Variants in GFM1 observed in about 807,000 individuals in gnomAD.
GFM1 encodes the protein elongation factor G, mitochondrial.
Under a neutral mutation model 96.2 loss-of-function variants are expected in GFM1, and 62 were observed. That is an observed-to-expected ratio of 0.64 (90% confidence interval 0.53 to 0.80). The LOEUF is 0.80. Ranked by LOEUF, GFM1 falls within the 30% of genes least tolerant of loss-of-function variation. GFM1 has a pLI of 0.00. For synonymous variants in GFM1, 282 were observed against 312.9 expected, an observed-to-expected ratio of 0.90 and a Z score of 1.04; for missense variants, 852 against 916.6, an observed-to-expected ratio of 0.93 and a Z score of 0.91.
rs576925510 is a variant in GFM1, at chr3:158,691,362, T to C, written c.2151T>C (p.Tyr717=). ...GAAAGGGAGAATACACAATGGAGTA[T>C]AGCAGGTATCAGCCATGTTTACCAT... is the stretch of plus-strand genomic sequence containing the variant. The part of the protein sequence containing the change: ...TEGKGEYTME[Y]SRYQPCLPST... The change falls in exon 18 of 18, where the codon TAT becomes TAC. Residue 717 remains tyrosine, a synonymous_variant. Coordinates refer to ENST00000486715, the MANE Select transcript of GFM1 (RefSeq NM_024996.7). The C allele has an allele frequency of 8.1e-6, 13 of 1,613,850 alleles. No homozygotes were observed. In the South Asian group the frequency reaches 1.1e-4, roughly 14 times the overall value.
chr3:158,674,169 C>T (rs1724664886), intron 13 of GFM1, among the ~76,000 whole-genome samples: 1 of 151,402 alleles, frequency 6.6e-6, no homozygotes, highest in Admixed American at 6.6e-5. Context: ...CAACCTCCAC[C>T]TCCCAGGTTC....
chr3:158,683,906 T>G (rs1467931424), intron 14 of GFM1, among the ~76,000 whole-genome samples: 1 of 152,192 alleles, frequency 6.6e-6, no homozygotes, highest in Non-Finnish European at 1.5e-5. Context: ...AAAACTTAAA[T>G]AGTAAAGTTG....
At chr3:158,675,588 G>A (rs1724819865) in intron 13 of GFM1, among the ~76,000 whole-genome samples, 1 of 151,868 alleles carries the variant, frequency 6.6e-6, no homozygotes, top group Admixed American at 6.6e-5. Context: ...GGCCAAACAA[G>A]TTACTGATTC....
chr3:158,649,258 A>G, intron 5 of GFM1, 101 bp downstream of exon 5: 1 of 662,992 alleles, frequency 1.5e-6, no homozygotes, highest in Admixed American at 2.2e-5. Context: ...TCTTTTTGAA[A>G]TGCGACTGCA....
intron 13 of GFM1, among the ~76,000 whole-genome samples, chr3:158,679,457 A>G (rs1448604118): frequency 2.0e-5 from 3 of 151,822 alleles, no homozygotes; most frequent in African/African-American, 7.2e-5. Flanking sequence ...GTTTTAATTT[A>G]TTTATAAATA....
rs1721573525 is a variant in GFM1 at position 158,644,557 on chromosome 3, T to C, written c.-78T>C. 1.6e-6 allele frequency: 2 copies of C among 1,236,042 alleles called. No homozygotes were observed. The highest frequency in any genetic ancestry group is 3.0e-5 in the African/African-American group (2 of 65,916). The allele number at this position is 1,236,042 out of a possible 1,614,324, so 76.6% of individuals were successfully genotyped here. On this transcript the variant is annotated 5_prime_UTR_variant, in exon 1 of 18. Transcript: ENST00000486715. Reference sequence around the variant, plus strand: ...TACAACATTGGCTGCCGGCGTGACTTTGACCGCTTCCCGGTGCGTTACCGG... The same window carrying C: ...TACAACATTGGCTGCCGGCGTGACTCTGACCGCTTCCCGGTGCGTTACCGG...
chr3:158,653,188 C>T lies in GFM1; in HGVS notation c.841-122C>T. ...TTCATTGGAGACCTGATTTTAGTCTCTATTAGAGTCAGCACTCCAAAGAGT... is the reference window on the plus strand; with the variant it reads ...TTCATTGGAGACCTGATTTTAGTCTTTATTAGAGTCAGCACTCCAAAGAGT... On this transcript the variant is annotated intron_variant, in intron 6 of 17. Coordinates refer to ENST00000486715, the MANE Select transcript of GFM1 (RefSeq NM_024996.7). The T allele has an allele frequency of 5.3e-6, 4 of 761,116 alleles. No individual in the cohort carries two copies. In the South Asian group the frequency reaches 7.0e-5, roughly 13 times the overall value. The allele number at this position is 761,116 out of a possible 1,614,324, so 47.1% of individuals were successfully genotyped here. A position where few individuals can be genotyped will look rare whatever the true frequency, so the allele number is the denominator to read the frequency against.
intron 8 of GFM1, chr3:158,656,200 C>T (rs908994093): frequency 4.5e-6 from 1 of 224,282 alleles, no homozygotes; most frequent in Non-Finnish European, 8.8e-6. Context: ...GTTGCCCAGG[C>T]TGGAGTGCAA....
Position 158,649,063 on chromosome 3 carries a change from G to T in GFM1, c.595G>T (p.Ala199Ser), listed in dbSNP as rs759781532. 29 of 1,534,936 alleles carry T rather than the reference G, an allele frequency of 1.9e-5. No individual in the cohort carries two copies. In the East Asian group the frequency reaches 6.3e-4, roughly 33 times the overall value. The change falls in exon 5 of 18, where the codon GCG becomes TCG. Residue 199 changes from alanine to serine, a missense_variant. Coordinates refer to ENST00000486715, the MANE Select transcript of GFM1 (RefSeq NM_024996.7). Reference protein sequence around the residue: ...QMRSKLNHNAAFMQIPMGLEG... With the variant: ...QMRSKLNHNASFMQIPMGLEG... ...CAGGTCTAAACTAAATCATAATGCA[G>T]CGTTTATGCAGATACCCATGGGTTT...
rs1345419213 is a variant in GFM1, at chr3:158,692,893, A to G, written c.*1426A>G. 6.6e-6 allele frequency among the ~76,000 whole-genome samples: 1 copy of G among 152,016 alleles called. No individual in the cohort carries two copies. Among genetic ancestry groups the G allele is most frequent in the Non-Finnish European group, 1.5e-5 (1 of 68,002 alleles). On this transcript the variant is annotated 3_prime_UTR_variant, in exon 18 of 18. Coordinates refer to ENST00000486715, the MANE Select transcript of GFM1 (RefSeq NM_024996.7). Reference sequence around the variant, plus strand: ...TTTTTTGAAGAGATAGGGTTTTGCCATATTGCCCAGGCTGGTCTCAAACTC... The same window carrying G: ...TTTTTTGAAGAGATAGGGTTTTGCCGTATTGCCCAGGCTGGTCTCAAACTC...
chr3:158,668,626 G>T (rs1455061310), intron 13 of GFM1, among the ~76,000 whole-genome samples: 1 of 152,228 alleles, frequency 6.6e-6, no homozygotes, highest in Non-Finnish European at 1.5e-5. Flanking sequence ...TAGATACTGT[G>T]TATTAACAGG....
At chr3:158,673,836 C>T (rs1398440407) in intron 13 of GFM1, among the ~76,000 whole-genome samples, 1 of 151,954 alleles carries the variant, frequency 6.6e-6, no homozygotes, top group African/African-American at 2.4e-5. Flanking sequence ...TGCACACACC[C>T]AAGACTCTTG....
chr3:158,648,512 A>G (rs1722021848), intron 4 of GFM1, among the ~76,000 whole-genome samples: 1 of 152,056 alleles, frequency 6.6e-6, no homozygotes, highest in Non-Finnish European at 1.5e-5. Flanking sequence ...CCCCATCTCT[A>G]CTAAAAATAC....
intron 13 of GFM1, among the ~76,000 whole-genome samples, chr3:158,675,263 G>A (rs569960544): frequency 7.4e-6 from 1 of 135,406 alleles, no homozygotes; most frequent in Admixed American, 7.9e-5. Flanking sequence ...TCCAGCCTGG[G>A]TGACAGAGTG....
At position 158,691,495 on chromosome 3, in the gene GFM1, T is replaced by C. The variant is rs1460668203; in HGVS notation, c.*28T>C. 6.2e-7 allele frequency: 1 copy of C among 1,611,556 alleles called. No individual in the cohort carries two copies. Among genetic ancestry groups the C allele is most frequent in the African/African-American group, 1.3e-5 (1 of 74,858 alleles). ...TTGCTTACTGTGAGTTGACTGACTC[T>C]AATTGAATCTGCGTGGTTTTGATAC... On this transcript the variant is annotated 3_prime_UTR_variant, in exon 18 of 18. Coordinates refer to ENST00000486715, the MANE Select transcript of GFM1 (RefSeq NM_024996.7).
At chr3:158,668,865 T>C in intron 13 of GFM1, 1 of 742,342 alleles carries the variant, frequency 1.3e-6, no homozygotes, top group Non-Finnish European at 2.1e-6. Flanking sequence ...GTACCTGACC[T>C]CCCCTTTGAA....
In GFM1 at chr3:158,644,765, A is replaced by T. The variant is rs780703183; in HGVS notation, c.81+50A>T. 2.4e-5 allele frequency: 35 copies of T among 1,480,070 alleles called. 1 individual carries two copies. In the South Asian group the frequency reaches 4.1e-4, roughly 17 times the overall value. The allele number at this position is 1,480,070 out of a possible 1,614,324, so 91.7% of individuals were successfully genotyped here. On this transcript the variant is annotated intron_variant, in intron 1 of 17. Transcript: ENST00000486715. ...TCGGGACCATTCCCGGAACCTTGTG[A>T]TCCCTTCTGGGCAATGGAAGGCCGT...
At chr3:158,665,218 G>A (rs1723546044) in intron 11 of GFM1, 119 bp from the exon 12 acceptor site, 3 of 746,782 alleles carry the variant, frequency 4.0e-6, no homozygotes, top group African/African-American at 1.7e-5. Flanking sequence ...AACTAGATAT[G>A]TATCATTTTT....
Position 158,691,534 on chromosome 3 carries a change from AG to A in GFM1, c.*68del. 1 of 1,565,262 alleles carries A rather than the reference AG, an allele frequency of 6.4e-7. No homozygotes were observed. Among genetic ancestry groups the A allele is most frequent in the Non-Finnish European group, 8.8e-7 (1 of 1,139,390 alleles). On this transcript the variant is annotated 3_prime_UTR_variant, in exon 18 of 18. Coordinates refer to ENST00000486715, the MANE Select transcript of GFM1 (RefSeq NM_024996.7). ...TGGTTTTGATACTTTGATGGATTCC[AG>A]TGGAATAAATTCAGGCTGCTGAAAC...
Sources: gnomAD v4.1 joint callset for allele counts (sites outside exome capture counted in the v4.1 genomes callset) on GRCh38, gnomAD v4.1.1 for gene constraint, MANE v1.5 for transcripts, NCBI Gene and HGNC (gene_info 2026-07-23, HGNC 2026-07-21) for gene names.